The following SHOX variants were observed in gnomAD, a reference collection of about 807,000 sequenced individuals.
The protein encoded by SHOX is SHOX homeobox.
A neutral mutation model predicts 29.6 loss-of-function variants in SHOX; 12 were observed. That is an observed-to-expected ratio of 0.41 (90% CI 0.26 to 0.66). SHOX has a LOEUF of 0.66. Among genes scored for constraint, SHOX ranks in the 30% least tolerant of loss-of-function variants. SHOX has a pLI of 0.35. For missense variants in SHOX, 499 were observed against 437.7 expected (o/e 1.14, Z -1.25); for synonymous variants, 214 against 200.6 (o/e 1.07, Z -0.57).
At chrX:643,095 C>G (rs2052888731) in intron 4 of SHOX, among the ~76,000 whole-genome samples, 1 of 147,830 alleles carries the variant, frequency 6.8e-6, no homozygotes, top group Admixed American at 6.7e-5. Flanking sequence ...GACCTGGTGT[C>G]CTGGGAGAGG....
chrX:654,762 G>GTT (rs1457092196), downstream of SHOX, among the ~76,000 whole-genome samples: 1 of 152,078 alleles, frequency 6.6e-6, no homozygotes, highest in African/African-American at 2.4e-5. Flanking sequence ...TCAGCTCACT[G>GTT]TAATTTCTGC....
At chrX:633,173 G>A (rs888304960) in intron 1 of SHOX, among the ~76,000 whole-genome samples, 2 of 152,088 alleles carry the variant, frequency 1.3e-5, no homozygotes, top group Admixed American at 1.3e-4. Flanking sequence ...GGAGGGCAGG[G>A]GAGAGTCTGA....
intron 1 of SHOX, among the ~76,000 whole-genome samples, chrX:625,655 CTCTGTCTTCGT>C (rs1391455337): frequency 0.026 from 3,819 of 148,744 alleles, 172 homozygotes; most frequent in South Asian, 0.097. Context: ...CTCTCTTTCT[CTCTGTCTTCGT>C]TCCTCTCTCT....
rs1265924100 is a variant in SHOX at position 624,902 on chromosome X, CTCTCTTCCTTTCTTTCTTTCTTTCTTTCT to C, written c.-433+302_-433+330del. On this transcript the variant is annotated intron_variant, in intron 1 of 5. Transcript: ENST00000334060. ...TCTTTCTTTCTTTCTTTCTTTCTTT[CTCTCTTCCTTTCTTTCTTTCTTTCTTTCT>C]TTTCTTTCTTTCACTTGGCAAGATT... Among the ~76,000 whole-genome samples the C allele has an allele frequency of 6.2e-3, 346 of 55,614 alleles. 3 individuals carry two copies. Among genetic ancestry groups the C allele is most frequent in the African/African-American group, 0.025 (322 of 13,040 alleles). The allele number at this position is 55,614 out of a possible 152,430, so 36.5% of individuals were successfully genotyped here. A position where few individuals can be genotyped will look rare whatever the true frequency, so the allele number is the denominator to read the frequency against.
In SHOX at chrX:658,559, T is replaced by C. The variant is rs565905167; in HGVS notation, c.634-226T>C. Among the ~76,000 whole-genome samples the C allele has an allele frequency of 1.3e-3, 201 of 149,972 alleles. 1 individual carries two copies. The South Asian group carries it at 0.018, about 13-fold the overall frequency. On this transcript the variant is annotated intron_variant, in intron 5 of 5. Transcript: ENST00000334060. ...GATCTCCGCTCACTGCAAGCTCCTC[T>C]TCCCGGGTTCACGCCATTCTCCTGC...
At chrX:641,334 G>C (rs1042194982) in intron 4 of SHOX, among the ~76,000 whole-genome samples, 1 of 152,054 alleles carries the variant, frequency 6.6e-6, no homozygotes, top group Non-Finnish European at 1.5e-5. Context: ...GGCTGAGGAG[G>C]GTGCATCACC....
At chrX:639,638 C>G (rs2052814869) in intron 2 of SHOX, among the ~76,000 whole-genome samples, 1 of 152,246 alleles carries the variant, frequency 6.6e-6, no homozygotes. Context: ...TCGGAACTCA[C>G]TTTTTCACCT....
At chrX:630,597 C>G, upstream of SHOX, 1 of 542,968 alleles carries the variant, frequency 1.8e-6, no homozygotes, top group South Asian at 2.3e-5. Flanking sequence ...CCCCTTCGCA[C>G]CAAGGTGTAC....
downstream of SHOX, among the ~76,000 whole-genome samples, chrX:651,984 G>A (rs1392675699): frequency 1.3e-5 from 2 of 151,918 alleles, no homozygotes; most frequent in South Asian, 2.1e-4. Context: ...GTGCAGGGGC[G>A]CGATCTCGGC....
intron 2 of SHOX, among the ~76,000 whole-genome samples, chrX:636,325 T>C (rs1314537269): frequency 9.4e-6 from 1 of 106,618 alleles, no homozygotes; most frequent in Non-Finnish European, 1.7e-5. Flanking sequence ...TATAAATATA[T>C]ATAAACATAT....
At chrX:643,470 G>C (rs1167837368) in intron 4 of SHOX, among the ~76,000 whole-genome samples, 3 of 144,474 alleles carry the variant, frequency 2.1e-5, no homozygotes, top group Non-Finnish European at 3.0e-5. Flanking sequence ...TTGGGGACCT[G>C]GTGTCCTGGG....
At chrX:644,281 G>C in intron 4 of SHOX, 110 bp from the exon 5 acceptor site, 3 of 1,320,610 alleles carry the variant, frequency 2.3e-6, no homozygotes, top group Non-Finnish European at 3.0e-6. Flanking sequence ...GAGAAGGGGC[G>C]ACGCTCCCTA....
chrX:628,160 T>C (rs188748006), upstream of SHOX, among the ~76,000 whole-genome samples: 802 of 51,766 alleles, frequency 0.015, 10 homozygotes, highest in African/African-American at 0.045. Context: ...TCTTTTTCTC[T>C]CTCCATCTCT....
At chrX:640,506 G>T (rs1174865026) in intron 2 of SHOX, among the ~76,000 whole-genome samples, 2 of 152,144 alleles carry the variant, frequency 1.3e-5, no homozygotes, top group Non-Finnish European at 2.9e-5. Flanking sequence ...AACCTGGGAG[G>T]TGGAGCTTGC....
chrX:641,208 T>C, intron 4 of SHOX, 121 bp downstream of exon 4: 2 of 980,994 alleles, frequency 2.0e-6, no homozygotes. Context: ...ACTTCTCAGC[T>C]GGCCCTTAGA....
At chrX:652,731 G>T (rs1341778894), downstream of SHOX, among the ~76,000 whole-genome samples, 3 of 152,144 alleles carry the variant, frequency 2.0e-5, no homozygotes, top group Non-Finnish European at 2.9e-5. Flanking sequence ...CAACTTGACC[G>T]TTCCTTTCCT....
At chrX:636,257 T>G (rs1346141715) in intron 2 of SHOX, among the ~76,000 whole-genome samples, 1 of 143,574 alleles carries the variant, frequency 7.0e-6, no homozygotes, top group Non-Finnish European at 1.5e-5. Context: ...ATATAATATA[T>G]AAACATAAAT....
upstream of SHOX, among the ~76,000 whole-genome samples, chrX:627,514 C>G (rs1001423936): frequency 4.6e-5 from 7 of 152,182 alleles, no homozygotes; most frequent in Non-Finnish European, 1.5e-5. Flanking sequence ...TAGCCAGAAA[C>G]TCTTAGGAAA....
downstream of SHOX, among the ~76,000 whole-genome samples, chrX:652,340 A>ATT (rs746162755): frequency 0.44 from 59,443 of 135,004 alleles, 13,800 homozygotes; most frequent in Middle Eastern, 0.54. Flanking sequence ...AAAATGACAA[A>ATT]TTTTTTTTTT....
Sources: gnomAD v4.1 joint callset for allele counts (sites outside exome capture counted in the v4.1 genomes callset) on GRCh38, gnomAD v4.1.1 for gene constraint, MANE v1.5 for transcripts, NCBI Gene and HGNC (gene_info 2026-07-23, HGNC 2026-07-21) for gene names.